Variants in LRP1B observed in about 807,000 individuals in gnomAD.
The protein encoded by LRP1B is LDL receptor related protein 1B.
LRP1B carries 217 observed loss-of-function variants against 556.6 expected under a neutral mutation model. That is an observed-to-expected ratio of 0.39 (90% CI 0.35 to 0.44). The LOEUF (loss-of-function observed/expected upper bound fraction) is 0.44, where lower values mean the gene tolerates loss of function less well. LRP1B is among the 20% of genes least tolerant of loss of function. The probability of loss-of-function intolerance (pLI) is 1.00; values close to 1 mark genes in which losing one functional copy is unlikely to be tolerated. For missense variants in LRP1B, 5,053 were observed against 5,620.8 expected (o/e 0.90, Z 3.23); for synonymous variants, 2,047 against 1,865.8 (o/e 1.10, Z -2.50).
chr2:140,852,422 AAGAT>A (rs1692488053), intron 27 of LRP1B, among the ~76,000 whole-genome samples: 6 of 152,246 alleles, frequency 3.9e-5, no homozygotes, highest in Admixed American at 3.9e-4. Flanking sequence ...AAAATAAACT[AAGAT>A]AGACTATAAC....
At chr2:142,107,714 G>A (rs865824086) in intron 1 of LRP1B, among the ~76,000 whole-genome samples, 13 of 151,246 alleles carry the variant, frequency 8.6e-5, no homozygotes, top group African/African-American at 2.4e-4. Context: ...TGCAACCTCC[G>A]CCTCCTGGGT....
At chr2:141,570,269 A>G (rs1338655875) in intron 2 of LRP1B, among the ~76,000 whole-genome samples, 3 of 151,116 alleles carry the variant, frequency 2.0e-5, no homozygotes, top group Admixed American at 6.6e-5. Context: ...TGACCCATGG[A>G]GAGAAGGAAG....
intron 27 of LRP1B, among the ~76,000 whole-genome samples, chr2:140,857,897 AT>A (rs1187955358): frequency 2.6e-5 from 4 of 152,242 alleles, no homozygotes; most frequent in African/African-American, 9.6e-5. Flanking sequence ...TCTATCTGGT[AT>A]CTTAATTTAT....
chr2:141,249,161 T>C (rs1684172701), intron 4 of LRP1B, among the ~76,000 whole-genome samples: 2 of 152,316 alleles, frequency 1.3e-5, no homozygotes, highest in Middle Eastern at 3.4e-3. Context: ...AGATCTGTTC[T>C]AGAGTATATG....
intron 32 of LRP1B, among the ~76,000 whole-genome samples, chr2:140,791,811 G>T (rs1344260187): frequency 1.7e-5 from 1 of 58,062 alleles, no homozygotes; most frequent in Non-Finnish European, 4.3e-5. Context: ...CCATTGAAGG[G>T]AATCAGGATA....
chr2:141,822,823 T>A (rs559574967), intron 1 of LRP1B, among the ~76,000 whole-genome samples: 1 of 152,148 alleles, frequency 6.6e-6, no homozygotes, highest in South Asian at 2.1e-4. Flanking sequence ...ACAACAGGGG[T>A]CTCCACCTAC....
chr2:141,465,139 T>C (rs544276262), intron 3 of LRP1B, among the ~76,000 whole-genome samples: 97 of 151,618 alleles, frequency 6.4e-4, no homozygotes, highest in African/African-American at 2.3e-3. Context: ...CAAAACACAG[T>C]TAAAATCAAT....
chr2:140,719,482 T>A (rs1687326943), intron 35 of LRP1B, among the ~76,000 whole-genome samples: 1 of 152,082 alleles, frequency 6.6e-6, no homozygotes, highest in Non-Finnish European at 1.5e-5. Flanking sequence ...AAAATTTTAG[T>A]CAATATATAA....
chr2:141,388,415 G>A (rs10928102), intron 3 of LRP1B, among the ~76,000 whole-genome samples: 68,445 of 152,028 alleles, frequency 0.45, 17,024 homozygotes, highest in Non-Finnish European at 0.57. Flanking sequence ...AAGCCTGGGC[G>A]ACAGTGCGAG....
Position 141,022,776 on chromosome 2 carries a change from T to A in LRP1B, c.1790-2674A>T, listed in dbSNP as rs185155119. Reference sequence around the variant, plus strand: ...TGATATTAAAATGCAAGGAAGATGTTTGATAAAGAAAAACTTGGTAGAGTA... The same window carrying A: ...TGATATTAAAATGCAAGGAAGATGTATGATAAAGAAAAACTTGGTAGAGTA... On this transcript the variant is annotated intron_variant, in intron 11 of 90. Transcript: ENST00000389484. 1.8e-3 allele frequency among the ~76,000 whole-genome samples: 277 copies of A among 152,072 alleles called. 1 individual carries two copies. The highest frequency in any genetic ancestry group is 2.8e-3 in the Non-Finnish European group (193 of 67,908).
At chr2:140,416,800 T>C (rs1685222461) in intron 66 of LRP1B, among the ~76,000 whole-genome samples, 1 of 152,222 alleles carries the variant, frequency 6.6e-6, no homozygotes, top group Admixed American at 6.5e-5. Context: ...TTTTAGTCCA[T>C]GTGTGGTTCA....
chr2:142,067,939 G>A (rs1399991470), intron 1 of LRP1B, among the ~76,000 whole-genome samples: 1 of 151,544 alleles, frequency 6.6e-6, no homozygotes. Context: ...ATAGGTATTA[G>A]CATAATCTTT....
At chr2:141,476,360 C>T (rs1005855775) in intron 3 of LRP1B, among the ~76,000 whole-genome samples, 15 of 152,226 alleles carry the variant, frequency 9.9e-5, no homozygotes, top group African/African-American at 3.6e-4. Flanking sequence ...TGGTTGTGTG[C>T]ATTTCTGTGG....
In LRP1B at chr2:140,988,462, G is replaced by A. The variant is rs564091064; in HGVS notation, c.2770+1070C>T. Among the ~76,000 whole-genome samples the A allele has an allele frequency of 4.6e-5, 7 of 152,170 alleles. No individual in the cohort carries two copies. In the East Asian group the frequency reaches 1.4e-3, roughly 29 times the overall value. On this transcript the variant is annotated intron_variant, in intron 17 of 90. Transcript: ENST00000389484. ...AAATCTGAATAGAAGACATAGACTA[G>A]GACTCTGGAATGATGGCTGTTTTGC... is the stretch of plus-strand genomic sequence containing the variant.
At chr2:141,288,866 G>A (rs1029031923) in intron 3 of LRP1B, among the ~76,000 whole-genome samples, 1 of 152,058 alleles carries the variant, frequency 6.6e-6, no homozygotes, top group African/African-American at 2.4e-5. Context: ...CTAGAGAATA[G>A]CGATCCCTAC....
At chr2:141,825,084 G>A (rs1194250550) in intron 1 of LRP1B, among the ~76,000 whole-genome samples, 3 of 152,124 alleles carry the variant, frequency 2.0e-5, no homozygotes, top group Admixed American at 6.5e-5. Context: ...CCAAACATGC[G>A]GAACTGTGAG....
chr2:140,983,177 CT>C (rs1696822206), intron 17 of LRP1B, among the ~76,000 whole-genome samples: 1 of 151,994 alleles, frequency 6.6e-6, no homozygotes, highest in Admixed American at 6.6e-5. Flanking sequence ...ATTTTCATTT[CT>C]TTTTTTCTTC....
At chr2:141,467,843 G>GC (rs761721055) in intron 3 of LRP1B, among the ~76,000 whole-genome samples, 1 of 133,196 alleles carries the variant, frequency 7.5e-6, no homozygotes, top group Non-Finnish European at 1.6e-5. Context: ...GCGGACCGGG[G>GC]GGGGGGGAAT....
intron 3 of LRP1B, among the ~76,000 whole-genome samples, chr2:141,441,841 C>A (rs892438149): frequency 4.6e-5 from 7 of 152,164 alleles, no homozygotes; most frequent in Non-Finnish European, 8.8e-5. Context: ...CAGGTAACAA[C>A]AGTGTGTTGA....
Sources: allele counts gnomAD v4.1 joint callset (sites outside exome capture counted in the v4.1 genomes callset), GRCh38; gene constraint gnomAD v4.1.1; transcripts MANE v1.5; gene names NCBI Gene and HGNC (gene_info 2026-07-23, HGNC 2026-07-21).